The following SETD5 variants were observed in gnomAD, a reference collection of about 807,000 sequenced individuals.
SETD5 encodes histone-lysine N-methyltransferase SETD5.
SETD5 carries 44 observed loss-of-function variants against 153.3 expected under a neutral mutation model. That is an observed-to-expected ratio of 0.29 (90% CI 0.23 to 0.37). SETD5 has a LOEUF of 0.37. SETD5 is among the 10% of genes least tolerant of loss of function. SETD5 has a pLI of 1.00. For missense variants in SETD5, 1,544 were observed against 1,768.0 expected (o/e 0.87, Z 2.27); for synonymous variants, 716 against 645.2 (o/e 1.11, Z -1.66).
At chr3:9,467,219 A>T (rs1428967690) in intron 18 of SETD5, among the ~76,000 whole-genome samples, 2 of 142,332 alleles carry the variant, frequency 1.4e-5, no homozygotes, top group Non-Finnish European at 3.1e-5. Context: ...AAAAAAAAAA[A>T]AAAAACAACC....
At chr3:9,448,891 G>A (rs1236589981) in intron 16 of SETD5, among the ~76,000 whole-genome samples, 1 of 152,162 alleles carries the variant, frequency 6.6e-6, no homozygotes, top group Non-Finnish European at 1.5e-5. Flanking sequence ...AACCCTTGAG[G>A]TTCCTGAGTG....
chr3:9,404,969 G>A (rs1366685997), intron 1 of SETD5, among the ~76,000 whole-genome samples: 4 of 152,134 alleles, frequency 2.6e-5, no homozygotes, highest in Non-Finnish European at 5.9e-5. Context: ...ATCTCACAAC[G>A]CCTCCTCCCA....
At position 9,440,630 on chromosome 3, in the gene SETD5, A is replaced by G. The variant is rs770952917; in HGVS notation, c.742A>G (p.Thr248Ala). 1.2e-6 allele frequency: 2 copies of G among 1,613,928 alleles called. No homozygotes were observed. The highest frequency in any genetic ancestry group is 1.7e-6 in the Non-Finnish European group (2 of 1,179,850). Residue 248 changes from threonine to alanine, a missense_variant, in exon 8 of 23, where the codon ACT becomes GCT. Transcript: ENST00000402198. ...HSSKEFVGKP[T>A]ILDTINKTEL... The stretch of plus-strand genomic sequence containing the variant: ...TAGCAAGGAATTTGTGGGCAAACCT[A>G]CTATTTTAGACACTATTAATAAGAC...
At chr3:9,440,030 C>T (rs1294294317) in intron 7 of SETD5, among the ~76,000 whole-genome samples, 2 of 152,136 alleles carry the variant, frequency 1.3e-5, no homozygotes, top group East Asian at 3.8e-4. Context: ...TAACACTTAA[C>T]ACAGATATTC....
At chr3:9,473,789 A>G (rs1480116214) in intron 20 of SETD5, among the ~76,000 whole-genome samples, 1 of 152,210 alleles carries the variant, frequency 6.6e-6, no homozygotes, top group Non-Finnish European at 1.5e-5. Context: ...ATGGATGCAG[A>G]TGAGCTCTTT....
At chr3:9,417,280 C>G (rs760038911) in intron 1 of SETD5, among the ~76,000 whole-genome samples, 3 of 152,060 alleles carry the variant, frequency 2.0e-5, no homozygotes, top group Non-Finnish European at 4.4e-5. Context: ...TAAAAGTCTC[C>G]AAAAATTTCA....
chr3:9,448,392 T>G lies in SETD5; in HGVS notation c.2108T>G (p.Leu703Arg). 1 of 1,613,864 alleles carries G rather than the reference T, an allele frequency of 6.2e-7. No homozygotes were observed. Among genetic ancestry groups the G allele is most frequent in the Non-Finnish European group, 8.5e-7 (1 of 1,179,784 alleles). Residue 703 changes from leucine (L) to arginine (R), a missense_variant, in exon 16 of 23, where the codon CTA (leucine) becomes CGA (arginine). Physicochemically the swap from Leu to Arg is moderately radical, Grantham distance 102. Around this residue, in one of 9 missense-constraint regions of SETD5, gnomAD observed 782 missense variants for 787.2 expected, o/e 0.99. Coordinates refer to ENST00000402198, the MANE Select transcript of SETD5 (RefSeq NM_001080517.3). ...ATGATCTCTTTTTTACCTTAGTATC[T>G]AGTTACAGAATGGTTGAATGACAAA... ...ASKYPKTKKY[L>R]VTEWLNDKAE...
Position 9,434,980 on chromosome 3 carries a change from T to TAA in SETD5, c.388+99_388+100insAA. 1 of 1,412,782 alleles carries TAA rather than the reference T, an allele frequency of 7.1e-7. No individual in the cohort carries two copies. Among genetic ancestry groups the TAA allele is most frequent in the South Asian group, 1.4e-5 (1 of 73,354 alleles). The allele number at this position is 1,412,782 out of a possible 1,614,324, so 87.5% of individuals were successfully genotyped here. On this transcript the variant is annotated intron_variant, in intron 6 of 22. Transcript: ENST00000402198. The surrounding 1 kb of genome is among the most constrained non-coding windows in gnomAD (Gnocchi z 5.6). ...CCCCTCTTGGCCAGGCGCAGTGGCT[T>TAA]ACGCCTGTAATCTCACCACTTAGGG... is the stretch of plus-strand genomic sequence containing the variant.
At position 9,443,195 on chromosome 3, in the gene SETD5, AAATAAAT is replaced by A. The variant is rs537864943; in HGVS notation, c.1078-108_1078-102del. ...AAATAACAGATTACCATAACTCCTT[AAATAAAT>A]AATAGATTACCATAACTCCAAATGG... On this transcript the variant is annotated intron_variant, in intron 10 of 22. Coordinates refer to ENST00000402198, the MANE Select transcript of SETD5 (RefSeq NM_001080517.3). 1.8e-3 allele frequency: 1,424 copies of A among 780,922 alleles called. 8 individuals carry two copies. The highest frequency in any genetic ancestry group is 0.018 in the Middle Eastern group (78 of 4,290). 48.4% of individuals were successfully genotyped at this position (780,922 alleles called of 1,614,324 possible).
At chr3:9,466,287 CAAAAAAAA>C (rs146498301) in intron 18 of SETD5, among the ~76,000 whole-genome samples, 10 of 63,284 alleles carry the variant, frequency 1.6e-4, no homozygotes, top group Admixed American at 5.3e-4. Flanking sequence ...GACTCCGTCT[CAAAAAAAA>C]AAAAAAAAAA....
In SETD5 at chr3:9,434,307, A is replaced by T; in HGVS notation, c.178-27A>T. The stretch of plus-strand genomic sequence containing the variant: ...TAATTACGGAGCCCCTCCTCCTCCG[A>T]CACCTCCTGCTTCTCCCCCTGTCCA... On this transcript the variant is annotated intron_variant, in intron 4 of 22. Transcript: ENST00000402198. The surrounding 1 kb of genome is among the most constrained non-coding windows in gnomAD (Gnocchi z 5.6). The T allele has an allele frequency of 6.2e-7, 1 of 1,613,400 alleles. No individual in the cohort carries two copies. Among genetic ancestry groups the T allele is most frequent in the Non-Finnish European group, 8.5e-7 (1 of 1,179,448 alleles).
intron 1 of SETD5, among the ~76,000 whole-genome samples, chr3:9,412,873 AAT>A (rs1166150241): frequency 1.3e-5 from 2 of 151,134 alleles, no homozygotes; most frequent in African/African-American, 2.4e-5. Context: ...ATAATGAATA[AAT>A]GGACTTCTTT....
intron 17 of SETD5, among the ~76,000 whole-genome samples, chr3:9,459,560 G>A (rs1253990265): frequency 2.0e-5 from 3 of 151,650 alleles, no homozygotes; most frequent in Admixed American, 2.0e-4. Context: ...CACGAGGTCA[G>A]GAGATCCAGA....
Position 9,464,471 on chromosome 3 carries a change from G to A in SETD5, c.2523G>A (p.Glu841=), listed in dbSNP as rs1468068519. The A allele has an allele frequency of 6.2e-7, 1 of 1,613,914 alleles. No homozygotes were observed. Among genetic ancestry groups the A allele is most frequent in the Middle Eastern group, 1.7e-4 (1 of 6,060 alleles). ...LKKWKSRYLM[E]QNVTKLLRPL... The stretch of plus-strand genomic sequence containing the variant: ...AATGGAAGTCTCGCTATCTGATGGA[G>A]CAGAATGTCACCAAGTTACTTCGGC... Residue 841 remains glutamate (E), a synonymous_variant, in exon 18 of 23, where the codon GAG becomes GAA. Transcript: ENST00000402198.
At chr3:9,422,208 T>C (rs1457971065) in intron 1 of SETD5, among the ~76,000 whole-genome samples, 1 of 152,176 alleles carries the variant, frequency 6.6e-6, no homozygotes, top group Admixed American at 6.5e-5. Flanking sequence ...ATGAAAATAA[T>C]CTGATCCTTT....
Position 9,442,233 on chromosome 3 carries a change from A to G in SETD5, c.1065A>G (p.Thr355=). 3 of 1,611,012 alleles carry G rather than the reference A, an allele frequency of 1.9e-6. No individual in the cohort carries two copies. The highest frequency in any genetic ancestry group is 1.1e-5 in the South Asian group (1 of 90,830). ...CTCGGTTCATCAGAAGATCATGTAC[A>G]CCAAATGCAGAGGTAAGATATCTGT... ...NDARFIRRSC[T]PNAEVRHMIA... Residue 355 remains threonine (T), a synonymous_variant, in exon 10 of 23, where the codon ACA becomes ACG. Transcript: ENST00000402198.
intron 13 of SETD5, 28 bp from the exon 14 acceptor site, chr3:9,447,022 C>T: frequency 1.9e-6 from 3 of 1,564,314 alleles, no homozygotes; most frequent in Non-Finnish European, 2.6e-6. Flanking sequence ...TTGAAGCTTC[C>T]TTCTACACCA....
chr3:9,446,642 G>A (rs1417997174), intron 13 of SETD5, among the ~76,000 whole-genome samples: 4 of 151,800 alleles, frequency 2.6e-5, no homozygotes, highest in African/African-American at 4.8e-5. Flanking sequence ...ACAAGCATGC[G>A]CCACCATGCC....
intron 1 of SETD5, among the ~76,000 whole-genome samples, chr3:9,424,134 C>A (rs564535087): frequency 6.6e-6 from 1 of 151,958 alleles, no homozygotes; most frequent in South Asian, 2.1e-4. Context: ...AAGGGAAGCA[C>A]CTTTTAGGAG....
Sources: gnomAD v4.1 joint callset for allele counts (sites outside exome capture counted in the v4.1 genomes callset) on GRCh38, gnomAD v4.1.1 for gene constraint, gnomAD v4.1.1 regional missense constraint, Gnocchi (gnomAD v3.1) non-coding constraint, MANE v1.5 for transcripts, NCBI Gene and HGNC (gene_info 2026-07-23, HGNC 2026-07-21) for gene names.